Variants in AKAP14 observed in about 807,000 individuals in gnomAD.
AKAP14 encodes A-kinase anchor protein 14.
AKAP14 carries 4 observed loss-of-function variants against 17.0 expected under a neutral mutation model. The ratio of observed to expected loss-of-function variants is 0.23; its 90% CI spans 0.12 to 0.54. AKAP14 has a LOEUF of 0.54. Ranked by LOEUF, AKAP14 falls within the 20% of genes least tolerant of loss-of-function variation. AKAP14 has a pLI of 0.95. For missense variants in AKAP14, 129 were observed against 150.9 expected, an observed-to-expected ratio of 0.85 and a Z score of 0.76; for synonymous variants, 42 against 51.3, an observed-to-expected ratio of 0.82 and a Z score of 0.77.
At chrX:119,912,228 C>T (rs183794034) in intron 4 of AKAP14, among the ~76,000 whole-genome samples, 148 of 110,334 alleles carry the variant, frequency 1.3e-3, no homozygotes, top group Non-Finnish European at 2.5e-3. Context: ...ACTAAGCTTG[C>T]GCCCGGCCCA....
chrX:119,897,349 C>A (rs1017677934), intron 2 of AKAP14, among the ~76,000 whole-genome samples: 2 of 108,479 alleles, frequency 1.8e-5, no homozygotes, highest in Non-Finnish European at 3.8e-5. Flanking sequence ...TTAGTAGAGA[C>A]GGGGTTTCAC....
chrX:119,902,942 C>T (rs1400101102), intron 2 of AKAP14, among the ~76,000 whole-genome samples: 2 of 112,153 alleles, frequency 1.8e-5, no homozygotes, highest in African/African-American at 3.2e-5. Flanking sequence ...CCGCCCGCCT[C>T]GGGCTCTCAA....
chrX:119,901,705 C>CA (rs111456671), intron 2 of AKAP14, among the ~76,000 whole-genome samples: 1,808 of 77,805 alleles, frequency 0.023, 33 homozygotes, highest in African/African-American at 0.059. Flanking sequence ...AACTTTGTCT[C>CA]AAAAAAAAAA....
chrX:119,914,372 G>A (rs1435271959), intron 4 of AKAP14, among the ~76,000 whole-genome samples: 2 of 111,330 alleles, frequency 1.8e-5, no homozygotes, highest in Admixed American at 9.7e-5. Flanking sequence ...CCAGGCTGGA[G>A]TGTAGTGGTG....
At chrX:119,905,740 G>A (rs913472777) in intron 4 of AKAP14, among the ~76,000 whole-genome samples, 2 of 111,502 alleles carry the variant, frequency 1.8e-5, no homozygotes, top group African/African-American at 6.5e-5. Flanking sequence ...GTATACCCAT[G>A]GCTCACTGCT....
intron 4 of AKAP14, among the ~76,000 whole-genome samples, chrX:119,904,022 C>A (rs1314888914): frequency 9.0e-6 from 1 of 111,586 alleles, no homozygotes; most frequent in Non-Finnish European, 1.9e-5. Context: ...TAGCTCCCTG[C>A]AGCTTTGAAC....
At chrX:119,909,559 C>T (rs2056616537) in intron 4 of AKAP14, among the ~76,000 whole-genome samples, 1 of 105,488 alleles carries the variant, frequency 9.5e-6, no homozygotes, top group African/African-American at 3.5e-5. Context: ...AAGAGGCATG[C>T]TCCAATGAGC....
chrX:119,909,882 C>G (rs1287859409), intron 4 of AKAP14, among the ~76,000 whole-genome samples: 1 of 87,874 alleles, frequency 1.1e-5, no homozygotes, highest in Non-Finnish European at 2.2e-5. Context: ...GGGACTCCGT[C>G]TCAAAAAAAA....
intron 2 of AKAP14, among the ~76,000 whole-genome samples, chrX:119,898,070 G>A (rs1201159832): frequency 8.9e-6 from 1 of 112,712 alleles, no homozygotes; most frequent in African/African-American, 3.2e-5. Flanking sequence ...GGCTGAGGCA[G>A]GAGAATTGCT....
chrX:119,916,970 G>C (rs2056662791), intron 5 of AKAP14, among the ~76,000 whole-genome samples: 1 of 103,574 alleles, frequency 9.7e-6, no homozygotes, highest in South Asian at 4.4e-4. Context: ...GCTGGGCATG[G>C]TGGCGCATGC....
chrX:119,920,695 G>A lies in AKAP14; in HGVS notation c.*88G>A. On this transcript the variant is annotated 3_prime_UTR_variant, in exon 7 of 7. Transcript: ENST00000371431. ...CGTCAAACCACAGAATATTTATTGAGTAATAAACTTGTGGCACACAATCCA... is the reference window on the plus strand; with the variant it reads ...CGTCAAACCACAGAATATTTATTGAATAATAAACTTGTGGCACACAATCCA... The A allele has an allele frequency of 1.5e-6, 1 of 683,185 alleles. No individual in the cohort carries two copies. Among genetic ancestry groups the A allele is most frequent in the Non-Finnish European group, 2.1e-6 (1 of 470,729 alleles). The allele number at this position is 683,185 out of a possible 1,213,427, so 56.3% of individuals were successfully genotyped here.
chrX:119,919,878 G>A, intron 5 of AKAP14, 33 bp from the exon 6 acceptor site: 16 of 1,199,161 alleles, frequency 1.3e-5, no homozygotes, highest in Non-Finnish European at 1.8e-5. Flanking sequence ...GGTATGACTG[G>A]TCTGGGCTAA....
chrX:119,899,774 G>A (rs1307979791), intron 2 of AKAP14, among the ~76,000 whole-genome samples: 3 of 111,352 alleles, frequency 2.7e-5, no homozygotes, highest in African/African-American at 9.8e-5. Context: ...GGTGCCCAGC[G>A]CACTCTTTCA....
intron 4 of AKAP14, among the ~76,000 whole-genome samples, chrX:119,914,345 G>A (rs910198921): frequency 9.0e-6 from 1 of 111,128 alleles, no homozygotes; most frequent in Admixed American, 9.7e-5. Flanking sequence ...TTTAGGGATA[G>A]GGTCTTGCTC....
At chrX:119,912,393 G>C (rs1233212898) in intron 4 of AKAP14, among the ~76,000 whole-genome samples, 1 of 111,662 alleles carries the variant, frequency 9.0e-6, no homozygotes, top group African/African-American at 3.2e-5. Context: ...ACTAAGAGCT[G>C]AAGTAGAGCA....
At chrX:119,911,081 G>A (rs1173374322) in intron 4 of AKAP14, among the ~76,000 whole-genome samples, 1 of 107,825 alleles carries the variant, frequency 9.3e-6, no homozygotes, top group Non-Finnish European at 1.9e-5. Flanking sequence ...GGCCGGGCAT[G>A]GTGGCTCACG....
rs1172829914 is a variant in AKAP14, at chrX:119,915,433, C to A, written c.441+555C>A. On this transcript the variant is annotated intron_variant, in intron 5 of 6. Transcript: ENST00000371431. ...AAAATCCTTGGTGTCATCCTTGACT[C>A]TTCTCTCATATCCCTCATCTAATCC... is the stretch of plus-strand genomic sequence containing the variant. Among the ~76,000 whole-genome samples, 3 of 112,188 alleles carry A rather than the reference C, an allele frequency of 2.7e-5. No individual in the cohort carries two copies. The East Asian group carries it at 8.3e-4, about 31-fold the overall frequency.
At chrX:119,918,245 T>TTTTGTTTTG (rs1569470471) in intron 5 of AKAP14, among the ~76,000 whole-genome samples, 3 of 110,698 alleles carry the variant, frequency 2.7e-5, no homozygotes, top group Admixed American at 9.7e-5. Context: ...GTTTTGTTTT[T>TTTTGTTTTG]TTTTTAGATG....
chrX:119,920,165 G>A (rs1399884141), intron 6 of AKAP14, among the ~76,000 whole-genome samples: 3 of 111,634 alleles, frequency 2.7e-5, no homozygotes, highest in South Asian at 7.6e-4. Context: ...ATAAGCTTGA[G>A]GATTAGTTGC....
Sources: gnomAD v4.1 joint callset for allele counts (sites outside exome capture counted in the v4.1 genomes callset) on GRCh38, gnomAD v4.1.1 for gene constraint, MANE v1.5 for transcripts, NCBI Gene and HGNC (gene_info 2026-07-23, HGNC 2026-07-21) for gene names.